MOBP: variants seen among roughly 807,000 people sequenced by gnomAD.
MOBP encodes the protein myelin-associated oligodendrocyte basic protein.
In MOBP, 5 loss-of-function variants were observed where a neutral mutation model predicts 15.0. The ratio of observed to expected loss-of-function variants is 0.33; its 90% CI spans 0.17 to 0.70. The LOEUF is 0.70. Ranked by LOEUF, MOBP falls within the 30% of genes least tolerant of loss-of-function variation. The probability of loss-of-function intolerance (pLI) is 0.67; values close to 1 mark genes in which losing one functional copy is unlikely to be tolerated. For missense variants in MOBP, 188 were observed against 257.8 expected, an observed-to-expected ratio of 0.73 and a Z score of 1.85; for synonymous variants, 88 against 99.0, an observed-to-expected ratio of 0.89 and a Z score of 0.66.
chr3:39,479,788 A>T (rs1020316199), intron 1 of MOBP, among the ~76,000 whole-genome samples: 2 of 151,226 alleles, frequency 1.3e-5, no homozygotes, highest in African/African-American at 4.9e-5. Context: ...ATATAATGAC[A>T]GTGAATTAAC....
chr3:39,503,132 A>G (rs904397389), downstream of MOBP: 12 of 459,366 alleles, frequency 2.6e-5, no homozygotes, highest in East Asian at 1.0e-4. Flanking sequence ...TTGTTAATCT[A>G]TCAATTGAGA....
At chr3:39,489,983 G>A (rs773148266) in intron 2 of MOBP, among the ~76,000 whole-genome samples, 1 of 152,124 alleles carries the variant, frequency 6.6e-6, no homozygotes, top group Non-Finnish European at 1.5e-5. Flanking sequence ...TAATATTTCT[G>A]TAGTTAGCTA....
At chr3:39,487,241 C>A (rs771420635) in intron 2 of MOBP, among the ~76,000 whole-genome samples, 2 of 152,060 alleles carry the variant, frequency 1.3e-5, no homozygotes, top group Non-Finnish European at 2.9e-5. Context: ...CCATGCCCAG[C>A]CTGTAGTTTT....
At chr3:39,482,670 A>G (rs78875734) in intron 2 of MOBP, among the ~76,000 whole-genome samples, 1 of 150,798 alleles carries the variant, frequency 6.6e-6, no homozygotes, top group Non-Finnish European at 1.5e-5. Context: ...AAAAAAAAAA[A>G]AGCACCTCTG....
intron 2 of MOBP, among the ~76,000 whole-genome samples, chr3:39,501,559 C>T (rs556616371): frequency 3.3e-5 from 5 of 152,304 alleles, no homozygotes; most frequent in African/African-American, 1.2e-4. Context: ...TTGTGTCTGA[C>T]TTCTTTTGTT....
rs749971284 is a variant in MOBP, at chr3:39,502,162, C to A, written c.93C>A (p.Thr31=). 5.0e-6 allele frequency: 8 copies of A among 1,614,254 alleles called. No homozygotes were observed. The East Asian group carries it at 1.8e-4, about 36-fold the overall frequency. ...HFSIHCCPPF[T]FLNSKKEIVD... ...GCATACACTGCTGCCCGCCGTTCACCTTCCTCAATTCCAAGAAGGAGATAG... is the reference window on the plus strand; with the variant it reads ...GCATACACTGCTGCCCGCCGTTCACATTCCTCAATTCCAAGAAGGAGATAG... The change falls in exon 3 of 4, where the codon ACC becomes ACA. Residue 31 remains threonine, a synonymous_variant. Coordinates refer to ENST00000684792, the MANE Select transcript of MOBP (RefSeq NM_001393704.1). The surrounding 1 kb of genome is among the most constrained non-coding windows in gnomAD (Gnocchi z 6.3).
chr3:39,512,326 A>G (rs1042435754), intron 4 of MOBP, among the ~76,000 whole-genome samples: 1 of 152,150 alleles, frequency 6.6e-6, no homozygotes, highest in South Asian at 2.1e-4. Flanking sequence ...CCTGGGTTTT[A>G]TATTCAGCAG....
At chr3:39,471,621 G>A (rs570443389) in intron 1 of MOBP, among the ~76,000 whole-genome samples, 29 of 152,142 alleles carry the variant, frequency 1.9e-4, no homozygotes, top group Admixed American at 1.8e-3. Flanking sequence ...AGTCTGGAAC[G>A]TCTCCATTCC....
At chr3:39,474,502 T>A (rs1413552475) in intron 1 of MOBP, among the ~76,000 whole-genome samples, 1 of 152,178 alleles carries the variant, frequency 6.6e-6, no homozygotes. Context: ...ACAGAAAAGA[T>A]ACAGTAAAAA....
downstream of MOBP, among the ~76,000 whole-genome samples, chr3:39,505,714 T>C (rs557092936): frequency 6.6e-6 from 1 of 152,338 alleles, no homozygotes; most frequent in East Asian, 1.9e-4. Context: ...CCAGACCACA[T>C]GGTTAACTAC....
At chr3:39,507,003 C>T (rs1241749717), downstream of MOBP, among the ~76,000 whole-genome samples, 1 of 152,216 alleles carries the variant, frequency 6.6e-6, no homozygotes, top group Non-Finnish European at 1.5e-5. Context: ...TTTCCTTCTT[C>T]ATCTTCTTGT....
At chr3:39,473,082 T>G (rs1158167033) in intron 1 of MOBP, among the ~76,000 whole-genome samples, 1 of 152,200 alleles carries the variant, frequency 6.6e-6, no homozygotes, top group Non-Finnish European at 1.5e-5. Flanking sequence ...TCCCATCATG[T>G]GTGCTCCAAG....
chr3:39,492,503 C>CT (rs2042813351), intron 2 of MOBP, among the ~76,000 whole-genome samples: 1 of 152,192 alleles, frequency 6.6e-6, no homozygotes, highest in Admixed American at 6.5e-5. Flanking sequence ...CTTCTTTCCA[C>CT]TTTCTTTCTC....
At chr3:39,482,811 C>T (rs2042647648) in intron 2 of MOBP, among the ~76,000 whole-genome samples, 1 of 151,978 alleles carries the variant, frequency 6.6e-6, no homozygotes, top group Non-Finnish European at 1.5e-5. Context: ...CATCCTGCTC[C>T]ACTCCTTCTT....
chr3:39,506,895 CT>C (rs1194828960), downstream of MOBP, among the ~76,000 whole-genome samples: 4 of 152,188 alleles, frequency 2.6e-5, no homozygotes, highest in African/African-American at 9.7e-5. Context: ...ATCAGTGGTG[CT>C]TTCTGTTGGA....
At chr3:39,478,885 A>G (rs1000553881) in intron 1 of MOBP, among the ~76,000 whole-genome samples, 1 of 150,554 alleles carries the variant, frequency 6.6e-6, no homozygotes, top group South Asian at 2.1e-4. Flanking sequence ...GCTAAAGTGC[A>G]GTGGCACAAT....
At chr3:39,490,253 G>A (rs939539413) in intron 2 of MOBP, among the ~76,000 whole-genome samples, 2 of 152,128 alleles carry the variant, frequency 1.3e-5, no homozygotes, top group Admixed American at 1.3e-4. Context: ...TAAAATTCAA[G>A]TTACAGTTTT....
intron 2 of MOBP, among the ~76,000 whole-genome samples, chr3:39,489,262 G>GT (rs2125640792): frequency 6.6e-6 from 1 of 152,284 alleles, no homozygotes; most frequent in South Asian, 2.1e-4. Context: ...CTAGCACCCA[G>GT]TTCCTTCCTT....
intron 3 of MOBP, among the ~76,000 whole-genome samples, chr3:39,523,471 T>C (rs2043294253): frequency 6.6e-6 from 1 of 152,216 alleles, no homozygotes; most frequent in Non-Finnish European, 1.5e-5. Context: ...GATCTGGAGA[T>C]CAATTTATGA....
Sources: gnomAD v4.1 joint callset for allele counts (sites outside exome capture counted in the v4.1 genomes callset) on GRCh38, gnomAD v4.1.1 for gene constraint, Gnocchi (gnomAD v3.1) non-coding constraint, MANE v1.5 for transcripts, NCBI Gene and HGNC (gene_info 2026-07-23, HGNC 2026-07-21) for gene names.